EYS: variants seen among roughly 807,000 people sequenced by gnomAD.
EYS encodes the protein protein eyes shut homolog.
EYS carries 250 observed loss-of-function variants against 282.1 expected under a neutral mutation model. The ratio of observed to expected loss-of-function variants is 0.89; its 90% CI spans 0.80 to 0.98. The LOEUF (loss-of-function observed/expected upper bound fraction) is 0.98. Among genes scored for constraint, EYS ranks in the 50% least tolerant of loss-of-function variants. The pLI is 0.00. For synonymous variants in EYS, 1,355 were observed against 1,282.9 expected (o/e 1.06, Z -1.20); for missense variants, 4,016 against 3,709.0 (o/e 1.08, Z -2.15).
chr6:64,517,094 C>G (rs916581601), intron 26 of EYS, among the ~76,000 whole-genome samples: 3 of 151,752 alleles, frequency 2.0e-5, no homozygotes, highest in Admixed American at 6.6e-5. Flanking sequence ...AGATTATATA[C>G]TGTCATATCT....
At chr6:65,248,822 A>T (rs1449637695) in intron 12 of EYS, among the ~76,000 whole-genome samples, 2 of 151,802 alleles carry the variant, frequency 1.3e-5, no homozygotes, top group Non-Finnish European at 2.9e-5. Flanking sequence ...GAAAACATGG[A>T]CTCATTTTCA....
intron 26 of EYS, among the ~76,000 whole-genome samples, chr6:64,515,387 C>G (rs1777534027): frequency 6.6e-6 from 1 of 151,212 alleles, no homozygotes; most frequent in East Asian, 1.9e-4. Context: ...TTGTAAATAT[C>G]TATTTAATTT....
chr6:63,982,298 G>A (rs571523377), intron 35 of EYS, among the ~76,000 whole-genome samples: 5 of 151,928 alleles, frequency 3.3e-5, no homozygotes, highest in African/African-American at 1.2e-4. Context: ...CATGAGCCAA[G>A]TTTGGGCATG....
At chr6:64,314,037 T>C (rs9451296) in intron 29 of EYS, among the ~76,000 whole-genome samples, 117,036 of 151,682 alleles carry the variant, frequency 0.77, 46,007 homozygotes, top group African/African-American at 0.94. Context: ...TAAATGTAAA[T>C]GGGCTAAATG....
At chr6:64,453,849 G>T (rs1276612321) in intron 26 of EYS, among the ~76,000 whole-genome samples, 1 of 152,056 alleles carries the variant, frequency 6.6e-6, no homozygotes, top group East Asian at 1.9e-4. Flanking sequence ...ACACACCGGG[G>T]ACTGTTGTGG....
chr6:65,010,785 C>T (rs1205568892), intron 13 of EYS, among the ~76,000 whole-genome samples: 3 of 152,168 alleles, frequency 2.0e-5, no homozygotes, highest in Non-Finnish European at 4.4e-5. Context: ...GTCCTCCATG[C>T]CCATGCAGCA....
intron 15 of EYS, among the ~76,000 whole-genome samples, chr6:64,926,210 T>G (rs1329324289): frequency 6.6e-6 from 1 of 152,208 alleles, no homozygotes; most frequent in Non-Finnish European, 1.5e-5. Context: ...ACCCAAGTAC[T>G]GTGCCTGTGG....
intron 23 of EYS, among the ~76,000 whole-genome samples, chr6:64,625,742 TGAC>T (rs1225915897): frequency 6.6e-6 from 1 of 152,216 alleles, no homozygotes; most frequent in Non-Finnish European, 1.5e-5. Context: ...ATCTCTGTGC[TGAC>T]AATTGTGGGA....
At chr6:64,601,907 C>A (rs1766773289) in intron 24 of EYS, among the ~76,000 whole-genome samples, 1 of 152,034 alleles carries the variant, frequency 6.6e-6, no homozygotes, top group South Asian at 2.1e-4. Context: ...AGGACAAGAT[C>A]TTTTCCTCCT....
intron 14 of EYS, among the ~76,000 whole-genome samples, chr6:64,957,532 C>A (rs544395410): frequency 6.6e-6 from 1 of 151,728 alleles, no homozygotes; most frequent in African/African-American, 2.4e-5. Flanking sequence ...CAACAGGGTG[C>A]CTATAGTCAA....
intron 30 of EYS, among the ~76,000 whole-genome samples, chr6:64,283,515 T>C (rs1032251151): frequency 6.6e-6 from 1 of 152,158 alleles, no homozygotes; most frequent in Non-Finnish European, 1.5e-5. Context: ...AATGATTAGA[T>C]GACTGACTGA....
At chr6:64,392,313 C>A (rs536960628) in intron 28 of EYS, among the ~76,000 whole-genome samples, 1 of 149,480 alleles carries the variant, frequency 6.7e-6, no homozygotes, top group East Asian at 2.0e-4. Context: ...CCCAAATCAA[C>A]AGAATATACA....
intron 2 of EYS, among the ~76,000 whole-genome samples, chr6:65,550,157 T>A (rs1768561542): frequency 1.2e-4 from 1 of 8,544 alleles, no homozygotes; most frequent in East Asian, 8.5e-3. Context: ...TTTTTTTTTT[T>A]TTTTTTTTTT....
rs1030815976 is a variant in EYS, at chr6:65,449,176, A to G, written c.862+41418T>C. Among the ~76,000 whole-genome samples the G allele has an allele frequency of 7.9e-5, 12 of 152,136 alleles. No homozygotes were observed. The East Asian group carries it at 2.1e-3, about 27-fold the overall frequency. On this transcript the variant is annotated intron_variant, in intron 5 of 42. Transcript: ENST00000503581. ...GAGGCTTCTGTTGTTTTCCTTTACT[A>G]AAGAATGGTTTCCTTGATGTTCTCA...
intron 12 of EYS, among the ~76,000 whole-genome samples, chr6:65,280,869 T>TAG (rs1768199957): frequency 6.9e-6 from 1 of 145,846 alleles, no homozygotes; most frequent in Non-Finnish European, 1.5e-5. Flanking sequence ...AAAAAAAATA[T>TAG]ATATATATAT....
intron 7 of EYS, among the ~76,000 whole-genome samples, chr6:65,392,518 A>G (rs1766085679): frequency 6.6e-6 from 1 of 152,238 alleles, no homozygotes. Context: ...GAAGGATATG[A>G]AAAGACACTT....
chr6:64,891,165 T>TA lies in EYS; in HGVS notation c.2847-4324dup, dbSNP rs67723372. Among the ~76,000 whole-genome samples, 383 of 145,108 alleles carry TA rather than the reference T, an allele frequency of 2.6e-3. 1 individual carries two copies. Among genetic ancestry groups the TA allele is most frequent in the East Asian group, 9.7e-3 (49 of 5,038 alleles). ...ATGGCATCTAAAATTTCATAGAGAT[T>TA]AAAAAAAAAAAAATCATCGACATTA... is the stretch of plus-strand genomic sequence containing the variant. On this transcript the variant is annotated intron_variant, in intron 18 of 42. Coordinates refer to ENST00000503581, the MANE Select transcript of EYS (RefSeq NM_001142800.2).
chr6:63,796,006 C>G (rs1357924639), intron 37 of EYS, among the ~76,000 whole-genome samples: 1 of 152,046 alleles, frequency 6.6e-6, no homozygotes, highest in Non-Finnish European at 1.5e-5. Flanking sequence ...TGAAGGATGG[C>G]CTGGACAAGA....
At chr6:63,738,333 A>G (rs1045145194) in intron 41 of EYS, among the ~76,000 whole-genome samples, 2 of 152,156 alleles carry the variant, frequency 1.3e-5, no homozygotes, top group African/African-American at 4.8e-5. Flanking sequence ...ACTTGGAACC[A>G]ACACAAATGT....
Sources: gnomAD v4.1 joint callset for allele counts (sites outside exome capture counted in the v4.1 genomes callset) on GRCh38, gnomAD v4.1.1 for gene constraint, MANE v1.5 for transcripts, NCBI Gene and HGNC (gene_info 2026-07-23, HGNC 2026-07-21) for gene names.